CEP41: variants seen among roughly 807,000 people sequenced by gnomAD.
The protein encoded by CEP41 is centrosomal protein 41.
In CEP41, 32 loss-of-function variants were observed where a neutral mutation model predicts 44.3. That is an observed-to-expected ratio of 0.72 (90% CI 0.54 to 0.97). The LOEUF is 0.97. Ranked by LOEUF, CEP41 falls within the 50% of genes least tolerant of loss-of-function variation. The probability of loss-of-function intolerance (pLI) is 0.00; values close to 1 mark genes in which losing one functional copy is unlikely to be tolerated. For missense variants in CEP41, 432 were observed against 455.2 expected (o/e 0.95, Z 0.46); for synonymous variants, 151 against 168.5 (o/e 0.90, Z 0.80).
Position 130,398,568 on chromosome 7 carries a change from AT to A in CEP41, c.*322del, listed in dbSNP as rs1796741550. ...AGAGAGACCCAACAAGCTGGACCTT[AT>A]TAAAAAAAAACAAAACAAAAAAACT... On this transcript the variant is annotated 3_prime_UTR_variant, in exon 11 of 11. Transcript: ENST00000223208. 1 of 490,126 alleles carries A rather than the reference AT, an allele frequency of 2.0e-6. No individual in the cohort carries two copies. Among genetic ancestry groups the A allele is most frequent in the Non-Finnish European group, 4.0e-6 (1 of 251,054 alleles). 30.4% of individuals were successfully genotyped at this position (490,126 alleles called of 1,614,324 possible). A position where few individuals can be genotyped will look rare whatever the true frequency, so the allele number is the denominator to read the frequency against.
Position 130,427,978 on chromosome 7 carries a change from T to G in CEP41, c.74A>C (p.His25Pro). ...ACCAGTGTCCAGTCTTGATTTGATA[T>G]GCTGGTATCTTGGGTTCTGTGGTAT... Reference protein sequence around the residue: ...KRIPQNPRYQHIKSRLDTGNS... With the variant: ...KRIPQNPRYQPIKSRLDTGNS... The change falls in exon 2 of 11, where the codon CAT becomes CCT. Residue 25 changes from histidine to proline, a missense_variant. His to Pro is a moderately conservative substitution (Grantham distance 77). Transcript: ENST00000223208. 1.2e-6 allele frequency: 2 copies of G among 1,607,758 alleles called. No individual in the cohort carries two copies. The highest frequency in any genetic ancestry group is 8.5e-7 in the Non-Finnish European group (1 of 1,174,340).
At position 130,394,301 on chromosome 7, in the gene CEP41, C is replaced by T. The variant is rs1241790877; in HGVS notation, c.*4590G>A. The T allele has an allele frequency of 2.2e-6, 1 of 454,092 alleles. No homozygotes were observed. 28.1% of individuals were successfully genotyped at this position (454,092 alleles called of 1,614,324 possible). A position where few individuals can be genotyped will look rare whatever the true frequency, so the allele number is the denominator to read the frequency against. Reference sequence around the variant, plus strand: ...TGAGTCACTTAATTTCTACCCGAACCTCAGTCTCCTCATCTGAAAATGGGG... The same window carrying T: ...TGAGTCACTTAATTTCTACCCGAACTTCAGTCTCCTCATCTGAAAATGGGG... On this transcript the variant is annotated 3_prime_UTR_variant, in exon 11 of 11. Transcript: ENST00000223208.
intron 2 of CEP41, among the ~76,000 whole-genome samples, chr7:130,418,087 T>C (rs951030017): frequency 1.3e-5 from 2 of 152,078 alleles, no homozygotes; most frequent in Non-Finnish European, 2.9e-5. Context: ...TCCACCATTG[T>C]TTTCTTTTCT....
At chr7:130,427,828 G>A (rs958477751) in intron 2 of CEP41, 127 bp downstream of exon 2, 15 of 665,386 alleles carry the variant, frequency 2.3e-5, no homozygotes, top group South Asian at 5.3e-5. Context: ...ATCCTGAGCC[G>A]AGAAAGACAT....
intron 10 of CEP41, chr7:130,399,795 G>A (rs1796785593): frequency 4.7e-6 from 2 of 428,858 alleles, no homozygotes; most frequent in East Asian, 4.9e-5. Context: ...ATTCCAGCCT[G>A]GGTGACAGAG....
At position 130,419,623 on chromosome 7, in the gene CEP41, C is replaced by T. The variant is rs1797441177; in HGVS notation, c.98-2657G>A. On this transcript the variant is annotated intron_variant, in intron 2 of 10. Transcript: ENST00000223208. ...ACACATTACTGCCAGATACATTTTC[C>T]CAGATAAGACTTTTTGATCAAAAAG... 3.0e-6 allele frequency: 3 copies of T among 984,526 alleles called. No homozygotes were observed. The African/African-American group carries it at 5.3e-5, about 17-fold the overall frequency. 61.0% of individuals were successfully genotyped at this position (984,526 alleles called of 1,614,324 possible). A position where few individuals can be genotyped will look rare whatever the true frequency, so the allele number is the denominator to read the frequency against.
chr7:130,410,032 T>C (rs1387327667), intron 5 of CEP41, among the ~76,000 whole-genome samples: 1 of 148,584 alleles, frequency 6.7e-6, no homozygotes, highest in African/African-American at 2.5e-5. Flanking sequence ...CGGTCTTCTT[T>C]TTTTTTTTTT....
Position 130,400,987 on chromosome 7 carries a change from T to G in CEP41, c.643-166A>C, listed in dbSNP as rs73484537. 0.044 allele frequency: 28,045 copies of G among 634,510 alleles called. 863 individuals are homozygous for G. The highest frequency in any genetic ancestry group is 0.12 in the African/African-American group (6,437 of 54,914). The allele number at this position is 634,510 out of a possible 1,614,324, so 39.3% of individuals were successfully genotyped here. A position where few individuals can be genotyped will look rare whatever the true frequency, so the allele number is the denominator to read the frequency against. ...GCAGGGACTGGATGGTTTCCCATCA[T>G]GGAAACCACACAAGCTGGTATTCGT... On this transcript the variant is annotated intron_variant, in intron 8 of 10. Transcript: ENST00000223208.
chr7:130,394,486 G>A lies in CEP41; in HGVS notation c.*4405C>T. 1 of 454,078 alleles carries A rather than the reference G, an allele frequency of 2.2e-6. No individual in the cohort carries two copies. 28.1% of individuals were successfully genotyped at this position (454,078 alleles called of 1,614,324 possible). On this transcript the variant is annotated 3_prime_UTR_variant, in exon 11 of 11. Coordinates refer to ENST00000223208, the MANE Select transcript of CEP41 (RefSeq NM_018718.3). ...AAGAGAAAACCTACTCTTAAGATGG[G>A]GGTGGTGTGTGACCTTTGCGTGCTG...
chr7:130,438,376 T>C (rs1554426715), intron 1 of CEP41, among the ~76,000 whole-genome samples: 1 of 152,044 alleles, frequency 6.6e-6, no homozygotes, highest in African/African-American at 2.4e-5. Flanking sequence ...CTGGGCAACA[T>C]GGTAAAACCG....
At position 130,394,941 on chromosome 7, in the gene CEP41, G is replaced by A; in HGVS notation, c.*3950C>T. 6.6e-6 allele frequency: 3 copies of A among 454,082 alleles called. No homozygotes were observed. The highest frequency in any genetic ancestry group is 3.1e-5 in the South Asian group (2 of 64,470). The allele number at this position is 454,082 out of a possible 1,614,324, so 28.1% of individuals were successfully genotyped here. On this transcript the variant is annotated 3_prime_UTR_variant, in exon 11 of 11. Transcript: ENST00000223208. ...CCTCACATTTTACCAGGTGCTTCAGGATGTTACACAGGTGAGAATTTGCTT... is the reference window on the plus strand; with the variant it reads ...CCTCACATTTTACCAGGTGCTTCAGAATGTTACACAGGTGAGAATTTGCTT...
chr7:130,413,593 A>G (rs1426282187), intron 3 of CEP41, among the ~76,000 whole-genome samples: 1 of 151,452 alleles, frequency 6.6e-6, no homozygotes, highest in East Asian at 1.9e-4. Flanking sequence ...AAAAAAACAA[A>G]AAAAAAACTT....
chr7:130,399,103 A>G, intron 10 of CEP41, 64 bp from the exon 11 acceptor site: 1 of 1,595,236 alleles, frequency 6.3e-7, no homozygotes. Context: ...TCTGCCAAGT[A>G]CAGTTTTAAG....
rs540740476 is a variant in CEP41, at chr7:130,439,798, G to T, written c.33+1136C>A. Among the ~76,000 whole-genome samples, 12 of 152,112 alleles carry T rather than the reference G, an allele frequency of 7.9e-5. No homozygotes were observed. In the South Asian group the frequency reaches 2.5e-3, roughly 32 times the overall value. On this transcript the variant is annotated intron_variant, in intron 1 of 10. Coordinates refer to ENST00000223208, the MANE Select transcript of CEP41 (RefSeq NM_018718.3). ...AGAGAAAGCCTGGACTCCTACAGGG[G>T]CCTGTTCTGAGTTCACACACTCCTT...
At chr7:130,437,782 A>AAG (rs1563000228) in intron 1 of CEP41, among the ~76,000 whole-genome samples, 1 of 135,890 alleles carries the variant, frequency 7.4e-6, no homozygotes, top group Non-Finnish European at 1.6e-5. Flanking sequence ...AAAAAAAAAA[A>AAG]AAAAAAGAAA....
intron 3 of CEP41, among the ~76,000 whole-genome samples, chr7:130,412,506 T>G (rs759280058): frequency 1.3e-5 from 2 of 152,230 alleles, no homozygotes; most frequent in Non-Finnish European, 2.9e-5. Context: ...CTTTATTTTA[T>G]TAGTCTACCA....
intron 1 of CEP41, among the ~76,000 whole-genome samples, chr7:130,432,026 C>G (rs1306839931): frequency 6.6e-6 from 1 of 152,120 alleles, no homozygotes; most frequent in Non-Finnish European, 1.5e-5. Flanking sequence ...CCTACAATTA[C>G]AGGACAGCCC....
chr7:130,440,715 G>A, intron 1 of CEP41: 1 of 617,232 alleles, frequency 1.6e-6, no homozygotes, highest in Non-Finnish European at 2.9e-6. Flanking sequence ...GTACTGGCGT[G>A]CGTACGCGGG....
At chr7:130,441,599 G>A (rs148095195), upstream of CEP41, among the ~76,000 whole-genome samples, 11 of 152,346 alleles carry the variant, frequency 7.2e-5, no homozygotes, top group Non-Finnish European at 1.3e-4. Context: ...ATCCTTAATT[G>A]CAAAGCACAC....
Sources: allele counts gnomAD v4.1 joint callset (sites outside exome capture counted in the v4.1 genomes callset), GRCh38; gene constraint gnomAD v4.1.1; transcripts MANE v1.5; gene names NCBI Gene and HGNC (gene_info 2026-07-23, HGNC 2026-07-21).